Variants in CYP4X1 observed in about 807,000 individuals in gnomAD.
CYP4X1 encodes cytochrome P450 4X1.
Under a neutral mutation model 57.9 loss-of-function variants are expected in CYP4X1, and 44 were observed. That is an observed-to-expected ratio of 0.76 (90% CI 0.60 to 0.98). The LOEUF is 0.98. Among genes scored for constraint, CYP4X1 ranks in the 50% least tolerant of loss-of-function variants. The probability of loss-of-function intolerance (pLI) is 0.00; values close to 1 mark genes in which losing one functional copy is unlikely to be tolerated. For synonymous variants in CYP4X1, 227 were observed against 228.6 expected (o/e 0.99, Z 0.06); for missense variants, 532 against 623.9 (o/e 0.85, Z 1.57).
At position 47,039,546 on chromosome 1, in the gene CYP4X1, C is replaced by T; in HGVS notation, c.1073+14C>T. ...TTCTATCACTTGGTAAGATCTGCAC[C>T]CCTAAATTTTCCTGCTAGTTTTCCC... On this transcript the variant is annotated intron_variant, in intron 8 of 11. Transcript: ENST00000371901. The T allele has an allele frequency of 6.4e-7, 1 of 1,562,716 alleles. No homozygotes were observed. The highest frequency in any genetic ancestry group is 1.2e-5 in the South Asian group (1 of 83,270).
Position 47,038,644 on chromosome 1 carries a change from C to T in CYP4X1, c.776-16C>T, listed in dbSNP as rs781508168. ...TTGCCATCACTTTGGTAATTGGAAA[C>T]TATTTTTCTACCCAGATACAATAAT... On this transcript the variant is annotated splice_polypyrimidine_tract_variant and intron_variant, in intron 6 of 11. Coordinates refer to ENST00000371901, the MANE Select transcript of CYP4X1 (RefSeq NM_178033.2). The T allele has an allele frequency of 3.8e-6, 6 of 1,574,828 alleles. No homozygotes were observed. The African/African-American group carries it at 5.5e-5, about 14-fold the overall frequency.
At chr1:46,984,317 G>C in the CYP4X1 span, among the ~76,000 whole-genome samples, 1 of 145,230 alleles carries the variant, frequency 6.9e-6, no homozygotes. Flanking sequence ...GAATCCCAAT[G>C]TGTCCTCTGG....
chr1:47,052,332 CAG>C (rs1238782229), downstream of CYP4X1, among the ~76,000 whole-genome samples: 2 of 151,944 alleles, frequency 1.3e-5, no homozygotes, highest in East Asian at 1.9e-4. Flanking sequence ...AAGACAGAAA[CAG>C]GGCATTATCA....
chr1:47,035,282 A>T (rs1370872194), intron 4 of CYP4X1, among the ~76,000 whole-genome samples: 1 of 152,088 alleles, frequency 6.6e-6, no homozygotes, highest in Non-Finnish European at 1.5e-5. Context: ...AAGCCAGGTC[A>T]GGCTTTGCTG....
the CYP4X1 span, chr1:46,994,531 C>A: frequency 6.3e-6 from 1 of 158,638 alleles, no homozygotes. Flanking sequence ...TCACTGAGTG[C>A]CCCTGTCAGT....
In CYP4X1 at chr1:47,039,418, C is replaced by T. The variant is rs1644220548; in HGVS notation, c.959C>T (p.Thr320Ile). The T allele has an allele frequency of 1.2e-6, 2 of 1,613,634 alleles. No individual in the cohort carries two copies. Among genetic ancestry groups the T allele is most frequent in the Non-Finnish European group, 1.7e-6 (2 of 1,179,784 alleles). Residue 320 changes from threonine to isoleucine, a missense_variant, in exon 8 of 12, where the codon ACC becomes ATC. Physicochemically the swap from Thr to Ile is moderately conservative, Grantham distance 89 (BLOSUM62 -1). Coordinates refer to ENST00000371901, the MANE Select transcript of CYP4X1 (RefSeq NM_178033.2). Reference protein sequence around the residue: ...VSTFLLAGHDTLAASISWILY... With the variant: ...VSTFLLAGHDILAASISWILY... The stretch of plus-strand genomic sequence containing the variant: ...ACATTCCTGTTGGCAGGACATGACA[C>T]CTTGGCAGCAAGCATCTCCTGGATC...
At chr1:47,046,370 T>A in intron 8 of CYP4X1, 97 bp from the exon 9 acceptor site, 2 of 1,538,718 alleles carry the variant, frequency 1.3e-6, no homozygotes, top group Non-Finnish European at 1.8e-6. Flanking sequence ...CAAAATGGCT[T>A]TAACCTGAGG....
At chr1:46,992,218 A>G in the CYP4X1 span, among the ~76,000 whole-genome samples, 1 of 152,252 alleles carries the variant, frequency 6.6e-6, no homozygotes, top group Admixed American at 6.5e-5. Context: ...TGGGAGGCTG[A>G]GGCACGAGAA....
At chr1:47,006,249 T>C in the CYP4X1 span, among the ~76,000 whole-genome samples, 1 of 152,212 alleles carries the variant, frequency 6.6e-6, no homozygotes. Flanking sequence ...TTCTAAAAAC[T>C]GTGGAATTGT....
At chr1:46,966,825 A>C in the CYP4X1 span, among the ~76,000 whole-genome samples, 2 of 152,222 alleles carry the variant, frequency 1.3e-5, no homozygotes. Context: ...TATTAAAGAG[A>C]AGGGTGAATG....
At chr1:46,962,292 AT>A in the CYP4X1 span, among the ~76,000 whole-genome samples, 1 of 151,812 alleles carries the variant, frequency 6.6e-6, no homozygotes, top group Non-Finnish European at 1.5e-5. Flanking sequence ...AATTTTTCAT[AT>A]TTTTAGTAGA....
At chr1:46,968,159 T>C in the CYP4X1 span, among the ~76,000 whole-genome samples, 1 of 152,140 alleles carries the variant, frequency 6.6e-6, no homozygotes. Context: ...ACTTTGTGGA[T>C]GGATGGTCCT....
chr1:46,966,232 G>T, the CYP4X1 span, among the ~76,000 whole-genome samples: 1 of 152,202 alleles, frequency 6.6e-6, no homozygotes, highest in Non-Finnish European at 1.5e-5. Context: ...GAATGACAGT[G>T]CTTGGCTCGC....
the CYP4X1 span, among the ~76,000 whole-genome samples, chr1:47,006,874 G>A: frequency 6.6e-6 from 1 of 152,212 alleles, no homozygotes; most frequent in Admixed American, 6.5e-5. Context: ...CGGCAGCGAG[G>A]CTGGGGGAGG....
At chr1:46,981,842 T>C in the CYP4X1 span, among the ~76,000 whole-genome samples, 1,297 of 152,346 alleles carry the variant, frequency 8.5e-3, 15 homozygotes, top group South Asian at 0.046. Flanking sequence ...TGGACATAGA[T>C]GAAGCTGGCA....
chr1:47,036,116 C>G lies in CYP4X1; in HGVS notation c.720C>G (p.Leu240=). 2 of 1,613,718 alleles carry G rather than the reference C, an allele frequency of 1.2e-6. No homozygotes were observed. Among genetic ancestry groups the G allele is most frequent in the East Asian group, 4.5e-5 (2 of 44,878 alleles). The part of the protein sequence containing the change: ...LLYHSDIIFK[L]SPQGYRFQKL... ...ATCACAGTGACATAATTTTCAAACT[C>G]AGCCCTCAGGGCTACCGCTTCCAGA... The change falls in exon 6 of 12, where the codon CTC becomes CTG. Residue 240 remains leucine, a synonymous_variant. Coordinates refer to ENST00000371901, the MANE Select transcript of CYP4X1 (RefSeq NM_178033.2).
chr1:47,042,896 C>T (rs1644261927), intron 8 of CYP4X1, among the ~76,000 whole-genome samples: 1 of 152,068 alleles, frequency 6.6e-6, no homozygotes, highest in African/African-American at 2.4e-5. Context: ...TTTACAATTG[C>T]GAATTGTGCT....
chr1:46,971,074 C>T, the CYP4X1 span, among the ~76,000 whole-genome samples: 6 of 152,006 alleles, frequency 3.9e-5, no homozygotes, highest in Non-Finnish European at 7.4e-5. Flanking sequence ...GATCCTTAAC[C>T]CCCTCCCACT....
Position 47,039,456 on chromosome 1 carries a change from G to A in CYP4X1, c.997G>A (p.Ala333Thr), listed in dbSNP as rs769448157. Reference sequence around the variant, plus strand: ...CATCTCCTGGATCCTTTACTGCCTGGCTCTGAACCCTGAGCATCAAGAGAG... The same window carrying A: ...CATCTCCTGGATCCTTTACTGCCTGACTCTGAACCCTGAGCATCAAGAGAG... The part of the protein sequence containing the change: ...ASISWILYCL[A>T]LNPEHQERCR... Residue 333 changes from alanine (A) to threonine (T), a missense_variant, in exon 8 of 12, where the codon GCT becomes ACT. Physicochemically the swap from Ala to Thr is moderately conservative, Grantham distance 58 (BLOSUM62 0). Coordinates refer to ENST00000371901, the MANE Select transcript of CYP4X1 (RefSeq NM_178033.2). 3 of 1,613,590 alleles carry A rather than the reference G, an allele frequency of 1.9e-6. 1 individual carries two copies. In the South Asian group the frequency reaches 3.3e-5, roughly 18 times the overall value.
Sources: gnomAD v4.1 joint callset for allele counts (sites outside exome capture counted in the v4.1 genomes callset) on GRCh38, gnomAD v4.1.1 for gene constraint, MANE v1.5 for transcripts, NCBI Gene and HGNC (gene_info 2026-07-23, HGNC 2026-07-21) for gene names.